The following RGS14 variants were observed in gnomAD, a reference collection of about 807,000 sequenced individuals.
RGS14 encodes regulator of G-protein signaling 14.
RGS14 carries 33 observed loss-of-function variants against 63.8 expected under a neutral mutation model. That is an observed-to-expected ratio of 0.52 (90% CI 0.39 to 0.69). RGS14 has a LOEUF of 0.69. Among genes scored for constraint, RGS14 ranks in the 30% least tolerant of loss-of-function variants. RGS14 has a pLI of 0.00. For synonymous variants in RGS14, 296 were observed against 320.9 expected, an observed-to-expected ratio of 0.92 and a Z score of 0.83; for missense variants, 739 against 742.9, an observed-to-expected ratio of 0.99 and a Z score of 0.06.
intron 10 of RGS14, 41 bp downstream of exon 10, chr5:177,370,705 G>T (rs1440746587): frequency 6.2e-7 from 1 of 1,600,324 alleles, no homozygotes; most frequent in Non-Finnish European, 8.6e-7. Flanking sequence ...AGGTCCTGAC[G>T]CTCCCTTCAG....
Position 177,371,817 on chromosome 5 carries a change from G to C in RGS14, c.1499-56G>C, listed in dbSNP as rs888357722. 1 of 1,547,956 alleles carries C rather than the reference G, an allele frequency of 6.5e-7. No homozygotes were observed. The highest frequency in any genetic ancestry group is 1.7e-5 in the Admixed American group (1 of 57,654). Reference sequence around the variant, plus strand: ...ACAGTAAGGCAGTGGGACTATCGTGGGCTGGCATATAGGCAGGTCTGCTGG... The same window carrying C: ...ACAGTAAGGCAGTGGGACTATCGTGCGCTGGCATATAGGCAGGTCTGCTGG... On this transcript the variant is annotated intron_variant, in intron 14 of 14. Transcript: ENST00000408923. The surrounding 1 kb of genome is among the most constrained non-coding windows in gnomAD (Gnocchi z 6.1).
Position 177,367,048 on chromosome 5 carries a change from G to C in RGS14, c.483+14G>C, listed in dbSNP as rs760231858. 2 of 1,598,150 alleles carry C rather than the reference G, an allele frequency of 1.3e-6. No individual in the cohort carries two copies. Among genetic ancestry groups the C allele is most frequent in the Admixed American group, 1.7e-5 (1 of 58,120 alleles). On this transcript the variant is annotated intron_variant, in intron 5 of 14. Transcript: ENST00000408923. ...CAGCAGCTTCAGGTGGGCGATCCTG[G>C]GGGGATTGGCCTTGAAAGGGAGACA...
Position 177,367,049 on chromosome 5 carries a change from G to A in RGS14, c.483+15G>A, listed in dbSNP as rs568641565. On this transcript the variant is annotated intron_variant, in intron 5 of 14. Coordinates refer to ENST00000408923, the MANE Select transcript of RGS14 (RefSeq NM_006480.5). ...AGCAGCTTCAGGTGGGCGATCCTGGGGGGATTGGCCTTGAAAGGGAGACAA... is the reference window on the plus strand; with the variant it reads ...AGCAGCTTCAGGTGGGCGATCCTGGAGGGATTGGCCTTGAAAGGGAGACAA... The A allele has an allele frequency of 3.3e-5, 52 of 1,597,740 alleles. No homozygotes were observed. In the Admixed American group the frequency reaches 5.2e-4, roughly 16 times the overall value.
Position 177,365,886 on chromosome 5 carries a change from C to T in RGS14, c.46-77C>T, listed in dbSNP as rs576192477. 133 of 1,479,796 alleles carry T rather than the reference C, an allele frequency of 9.0e-5. 1 individual carries two copies. Among genetic ancestry groups the T allele is most frequent in the South Asian group, 7.7e-4 (68 of 88,172 alleles). 91.7% of individuals were successfully genotyped at this position (1,479,796 alleles called of 1,614,324 possible). A position where few individuals can be genotyped will look rare whatever the true frequency, so the allele number is the denominator to read the frequency against. ...GTGGAGGAGAACGCAGTTCCAGCTC[C>T]TGGGAGTCGGGCCCAGAACTGTCCC... On this transcript the variant is annotated intron_variant, in intron 1 of 14. Transcript: ENST00000408923.
Position 177,371,867 on chromosome 5 carries a change from C to A in RGS14, c.1499-6C>A. The A allele has an allele frequency of 6.2e-7, 1 of 1,609,106 alleles. No individual in the cohort carries two copies. The highest frequency in any genetic ancestry group is 1.1e-5 in the South Asian group (1 of 90,732). On this transcript the variant is annotated splice_region_variant and splice_polypyrimidine_tract_variant and intron_variant, in intron 14 of 14. Coordinates refer to ENST00000408923, the MANE Select transcript of RGS14 (RefSeq NM_006480.5). The surrounding 1 kb of genome is among the most constrained non-coding windows in gnomAD (Gnocchi z 6.1). The stretch of plus-strand genomic sequence containing the variant: ...GGGGGACCCTCATGCTGTGGCTTGC[C>A]TCCAGGCCTGGTGGAGCTGCTGAAC...
chr5:177,367,245 G>C, intron 5 of RGS14, 169 bp from the exon 6 acceptor site: 2 of 1,113,320 alleles, frequency 1.8e-6, no homozygotes, highest in Non-Finnish European at 2.5e-6. Context: ...GCTGAGCTCG[G>C]GGCGGGCTTG....
At chr5:177,362,648 G>T (rs1761993036) in intron 1 of RGS14, among the ~76,000 whole-genome samples, 1 of 152,160 alleles carries the variant, frequency 6.6e-6, no homozygotes, top group African/African-American at 2.4e-5. Context: ...AAATAGAAAA[G>T]TTCGGTGAAG....
chr5:177,368,000 A>T, intron 7 of RGS14, 157 bp from the exon 8 acceptor site: 1 of 1,443,212 alleles, frequency 6.9e-7, no homozygotes, highest in Non-Finnish European at 9.1e-7. Flanking sequence ...TAGACCTCAG[A>T]CGTTTGGAAA....
chr5:177,365,287 G>A (rs999233070), intron 1 of RGS14, among the ~76,000 whole-genome samples: 10 of 152,292 alleles, frequency 6.6e-5, no homozygotes, highest in South Asian at 6.2e-4. Flanking sequence ...CTGCCTCCTG[G>A]GTTCAAGCGA....
At chr5:177,365,671 G>A (rs556826069) in intron 1 of RGS14, among the ~76,000 whole-genome samples, 1 of 152,338 alleles carries the variant, frequency 6.6e-6, no homozygotes, top group East Asian at 1.9e-4. Context: ...AGAGACTAAA[G>A]TCTGTTCCTA....
In RGS14 at chr5:177,372,038, G is replaced by A. The variant is rs200852246; in HGVS notation, c.1664G>A (p.Gly555Glu). Residue 555 changes from glycine to glutamate, a missense_variant, in exon 15 of 15, where the codon GGG (glycine) becomes GAG (glutamate). Gly to Glu is a moderately conservative substitution (Grantham distance 98, BLOSUM62 -2). Transcript: ENST00000408923. ...PQTKSAAQPI[G>E]GSLNSTTDSA... ...ACCAAATCAGCAGCCCAGCCCATCG[G>A]GGGATCCTTGAACTCCACCACCGAC... The A allele has an allele frequency of 6.2e-7, 1 of 1,614,088 alleles. No homozygotes were observed. Among genetic ancestry groups the A allele is most frequent in the Non-Finnish European group, 8.5e-7 (1 of 1,180,006 alleles).
intron 4 of RGS14, 28 bp from the exon 5 acceptor site, chr5:177,366,863 C>G (rs1197287702): frequency 1.2e-6 from 2 of 1,613,422 alleles, no homozygotes; most frequent in Non-Finnish European, 1.7e-6. Context: ...CGCTCCCTGA[C>G]CAACTCCTCC....
rs1561612152 is a variant in RGS14 at position 177,359,207 on chromosome 5, C to T, written c.45+1138C>T. Among the ~76,000 whole-genome samples the T allele has an allele frequency of 6.6e-6, 1 of 152,140 alleles. No individual in the cohort carries two copies. Among genetic ancestry groups the T allele is most frequent in the East Asian group, 1.9e-4 (1 of 5,186 alleles). On this transcript the variant is annotated intron_variant, in intron 1 of 14. Transcript: ENST00000408923. The surrounding 1 kb of genome is among the most constrained non-coding windows in gnomAD (Gnocchi z 4.4). ...TTCCCAAAACCTGCCTCTACCTCTT[C>T]TTCTTCCAGCATCTCTTTCCTGCCC...
rs1174796788 is a variant in RGS14, at chr5:177,359,786, G to A, written c.45+1717G>A. 6.6e-6 allele frequency among the ~76,000 whole-genome samples: 1 copy of A among 152,246 alleles called. No individual in the cohort carries two copies. The highest frequency in any genetic ancestry group is 2.1e-4 in the South Asian group (1 of 4,832). ...GCCCTGCACAGCTAGGGCAGGGAGGGCCAGACAGGCACTGGGATCTGAGGT... is the reference window on the plus strand; with the variant it reads ...GCCCTGCACAGCTAGGGCAGGGAGGACCAGACAGGCACTGGGATCTGAGGT... On this transcript the variant is annotated intron_variant, in intron 1 of 14. Transcript: ENST00000408923. The surrounding 1 kb of genome is among the most constrained non-coding windows in gnomAD (Gnocchi z 4.4).
intron 9 of RGS14, among the ~76,000 whole-genome samples, chr5:177,369,862 C>T (rs557609354): frequency 6.6e-6 from 1 of 152,350 alleles, no homozygotes; most frequent in Admixed American, 6.5e-5. Flanking sequence ...AATATAACTT[C>T]CTCACCCACA....
chr5:177,361,804 C>T (rs949771965), intron 1 of RGS14, among the ~76,000 whole-genome samples: 1 of 152,140 alleles, frequency 6.6e-6, no homozygotes, highest in African/African-American at 2.4e-5. Context: ...AAAAATATGA[C>T]CGGCCGAGGT....
intron 8 of RGS14, 111 bp downstream of exon 8, chr5:177,368,377 C>T: frequency 2.5e-6 from 3 of 1,196,472 alleles, no homozygotes; most frequent in Non-Finnish European, 3.5e-6. Flanking sequence ...CGTCTCCCAG[C>T]TTGCTCTGCG....
Position 177,367,047 on chromosome 5 carries a change from G to C in RGS14, c.483+13G>C, listed in dbSNP as rs1288714345. ...ACAGCAGCTTCAGGTGGGCGATCCT[G>C]GGGGGATTGGCCTTGAAAGGGAGAC... On this transcript the variant is annotated intron_variant, in intron 5 of 14. Transcript: ENST00000408923. The C allele has an allele frequency of 1.3e-6, 2 of 1,597,236 alleles. No individual in the cohort carries two copies. The highest frequency in any genetic ancestry group is 1.7e-6 in the Non-Finnish European group (2 of 1,171,724).
intron 3 of RGS14, 54 bp downstream of exon 3, chr5:177,366,409 G>T: frequency 6.9e-7 from 1 of 1,458,608 alleles, no homozygotes. Flanking sequence ...GCAGGGCGTG[G>T]ATGGAGCTTC....
Sources: gnomAD v4.1 joint callset for allele counts (sites outside exome capture counted in the v4.1 genomes callset) on GRCh38, gnomAD v4.1.1 for gene constraint, Gnocchi (gnomAD v3.1) non-coding constraint, MANE v1.5 for transcripts, NCBI Gene and HGNC (gene_info 2026-07-23, HGNC 2026-07-21) for gene names.